Variants in SEMA3E observed in about 807,000 individuals in gnomAD.
The protein encoded by SEMA3E is semaphorin 3E, also known as semaphorin-3E.
A neutral mutation model predicts 93.6 loss-of-function variants in SEMA3E; 49 were observed. The ratio of observed to expected loss-of-function variants is 0.52; its 90% CI spans 0.42 to 0.66. The LOEUF (loss-of-function observed/expected upper bound fraction) is 0.66, where lower values mean the gene tolerates loss of function less well. Ranked by LOEUF, SEMA3E falls within the 30% of genes least tolerant of loss-of-function variation. The pLI, the probability that SEMA3E is intolerant of heterozygous loss-of-function variation, is 0.00. For missense variants in SEMA3E, 906 were observed against 964.8 expected, an observed-to-expected ratio of 0.94 and a Z score of 0.81; for synonymous variants, 363 against 330.7, an observed-to-expected ratio of 1.10 and a Z score of -1.06.
chr7:83,378,599 A>G (rs1322527805), intron 16 of SEMA3E, among the ~76,000 whole-genome samples: 1 of 151,908 alleles, frequency 6.6e-6, no homozygotes, highest in Non-Finnish European at 1.5e-5. Flanking sequence ...GTGCCTTAAC[A>G]TCCCACTTCA....
intron 4 of SEMA3E, among the ~76,000 whole-genome samples, chr7:83,438,427 T>C (rs1188178925): frequency 2.0e-5 from 3 of 152,178 alleles, no homozygotes; most frequent in Non-Finnish European, 4.4e-5. Context: ...GTAATTGACA[T>C]CATGGTCTAG....
chr7:83,380,809 T>C (rs1305812679), intron 16 of SEMA3E, among the ~76,000 whole-genome samples: 1 of 151,894 alleles, frequency 6.6e-6, no homozygotes, highest in Non-Finnish European at 1.5e-5. Flanking sequence ...ATTTACTGAG[T>C]TCAAAACACC....
chr7:83,593,260 G>GTCTCTC (rs1186592715), intron 1 of SEMA3E, among the ~76,000 whole-genome samples: 7 of 96,360 alleles, frequency 7.3e-5, no homozygotes, highest in African/African-American at 2.8e-4. Context: ...CTCTCTCTCT[G>GTCTCTC]TCTCTCTCTC....
At chr7:83,431,886 G>T (rs1404675112) in intron 4 of SEMA3E, among the ~76,000 whole-genome samples, 2 of 151,592 alleles carry the variant, frequency 1.3e-5, no homozygotes, top group African/African-American at 2.4e-5. Flanking sequence ...TAACAACAAG[G>T]TCTTTTATCC....
chr7:83,422,672 T>C (rs962874783), intron 4 of SEMA3E, among the ~76,000 whole-genome samples: 2 of 152,230 alleles, frequency 1.3e-5, no homozygotes, highest in African/African-American at 2.4e-5. Context: ...ACGTTTTCTG[T>C]AGCTTAATTC....
chr7:83,421,640 G>C (rs1239949108), intron 4 of SEMA3E, among the ~76,000 whole-genome samples: 1 of 142,324 alleles, frequency 7.0e-6, no homozygotes, highest in Non-Finnish European at 1.6e-5. Context: ...AAACAATCTT[G>C]AAAGTCCAGA....
At chr7:83,527,045 G>C (rs1229424096) in intron 1 of SEMA3E, among the ~76,000 whole-genome samples, 1 of 152,090 alleles carries the variant, frequency 6.6e-6, no homozygotes, top group African/African-American at 2.4e-5. Flanking sequence ...CCAATCACTA[G>C]TGTGCTTGTA....
At chr7:83,514,318 C>T (rs182274336) in intron 1 of SEMA3E, among the ~76,000 whole-genome samples, 1 of 152,050 alleles carries the variant, frequency 6.6e-6, no homozygotes, top group Non-Finnish European at 1.5e-5. Context: ...AATAAACTTG[C>T]CTTCACTTTG....
At chr7:83,588,155 A>C (rs1298267793) in intron 1 of SEMA3E, among the ~76,000 whole-genome samples, 1 of 152,074 alleles carries the variant, frequency 6.6e-6, no homozygotes, top group Non-Finnish European at 1.5e-5. Flanking sequence ...AGCCTGAGGC[A>C]GGCGGATCAT....
At chr7:83,395,071 T>C (rs1160526406) in intron 12 of SEMA3E, among the ~76,000 whole-genome samples, 1 of 152,232 alleles carries the variant, frequency 6.6e-6, no homozygotes, top group Non-Finnish European at 1.5e-5. Flanking sequence ...TCTATGTCAG[T>C]GTTTTTTTAT....
chr7:83,507,102 C>A (rs1790718907), intron 1 of SEMA3E, among the ~76,000 whole-genome samples: 1 of 152,158 alleles, frequency 6.6e-6, no homozygotes, highest in African/African-American at 2.4e-5. Flanking sequence ...GCTGCCCTAT[C>A]CCTAGACCCC....
intron 2 of SEMA3E, among the ~76,000 whole-genome samples, chr7:83,484,571 T>G (rs1269843737): frequency 3.3e-5 from 5 of 152,136 alleles, no homozygotes; most frequent in Non-Finnish European, 7.4e-5. Context: ...CATTGAGCCT[T>G]GAAAAATGGA....
intron 1 of SEMA3E, among the ~76,000 whole-genome samples, chr7:83,590,418 C>T (rs1260850576): frequency 2.6e-5 from 4 of 152,116 alleles, no homozygotes; most frequent in Non-Finnish European, 5.9e-5. Context: ...ATTAGGTTGC[C>T]TAAAGCAAGG....
chr7:83,406,499 T>C (rs1281134473), intron 7 of SEMA3E, among the ~76,000 whole-genome samples: 1 of 151,882 alleles, frequency 6.6e-6, no homozygotes, highest in Non-Finnish European at 1.5e-5. Flanking sequence ...CCATACTATA[T>C]ATGTATATAA....
chr7:83,453,647 A>C, intron 4 of SEMA3E, among the ~76,000 whole-genome samples: 1 of 152,318 alleles, frequency 6.6e-6, no homozygotes, highest in East Asian at 1.9e-4. Flanking sequence ...GAAAATATTA[A>C]AAATTACCAT....
intron 4 of SEMA3E, among the ~76,000 whole-genome samples, chr7:83,432,821 G>T (rs1185268593): frequency 8.6e-5 from 13 of 151,734 alleles, no homozygotes. Flanking sequence ...CACATGTGTG[G>T]AACAGAAAAA....
chr7:83,558,182 G>A (rs1314157371), intron 1 of SEMA3E, among the ~76,000 whole-genome samples: 1 of 152,084 alleles, frequency 6.6e-6, no homozygotes, highest in African/African-American at 2.4e-5. Context: ...GTGGGGCAAA[G>A]CCTTGAGATA....
chr7:83,511,530 T>C (rs1289989015), intron 1 of SEMA3E, among the ~76,000 whole-genome samples: 2 of 152,080 alleles, frequency 1.3e-5, no homozygotes, highest in Non-Finnish European at 2.9e-5. Context: ...CAAATCTCCA[T>C]TCAGAATTTG....
intron 4 of SEMA3E, among the ~76,000 whole-genome samples, chr7:83,448,067 TA>T (rs1425543394): frequency 1.3e-5 from 2 of 152,228 alleles, no homozygotes; most frequent in Non-Finnish European, 2.9e-5. Context: ...GACTTATATT[TA>T]AAATAATTTC....
Sources: gnomAD v4.1 joint callset for allele counts (sites outside exome capture counted in the v4.1 genomes callset) on GRCh38, gnomAD v4.1.1 for gene constraint, MANE v1.5 for transcripts, NCBI Gene and HGNC (gene_info 2026-07-23, HGNC 2026-07-21) for gene names.